The following HDAC9 variants were observed in gnomAD, a reference collection of about 807,000 sequenced individuals.
HDAC9 encodes histone deacetylase 9, also known as MEF-2 interacting transcription repressor (MITR) protein.
Under a neutral mutation model 139.4 loss-of-function variants are expected in HDAC9, and 41 were observed. That is an observed-to-expected ratio of 0.29 (90% CI 0.23 to 0.38). The LOEUF is 0.38. Among genes scored for constraint, HDAC9 ranks in the 10% least tolerant of loss-of-function variants. HDAC9 has a pLI of 1.00. For missense variants in HDAC9, 1,147 were observed against 1,297.0 expected (o/e 0.88, Z 1.78); for synonymous variants, 517 against 476.2 (o/e 1.09, Z -1.12).
chr7:18,637,895 A>T (rs1280438466), intron 8 of HDAC9, among the ~76,000 whole-genome samples: 2 of 152,028 alleles, frequency 1.3e-5, no homozygotes, highest in Non-Finnish European at 2.9e-5. Context: ...TTTAGCACTA[A>T]ATGTTTCCAC....
chr7:18,702,184 A>G (rs577023274), intron 12 of HDAC9, among the ~76,000 whole-genome samples: 19 of 152,170 alleles, frequency 1.2e-4, no homozygotes, highest in Admixed American at 3.3e-4. Flanking sequence ...CCATCTTTCT[A>G]TGGTTGTTTG....
chr7:18,676,215 A>G (rs1212561468), intron 12 of HDAC9, among the ~76,000 whole-genome samples: 7 of 151,846 alleles, frequency 4.6e-5, no homozygotes, highest in Non-Finnish European at 1.0e-4. Context: ...TCTTATTTTT[A>G]TTTTTATAGC....
intron 12 of HDAC9, chr7:18,668,653 A>C (rs1795448088): frequency 1.0e-6 from 1 of 983,378 alleles, no homozygotes; most frequent in Non-Finnish European, 1.2e-6. Flanking sequence ...ACCAGTGAAA[A>C]GGAAAGCTGG....
At chr7:18,690,013 A>C (rs1326866783) in intron 12 of HDAC9, among the ~76,000 whole-genome samples, 1 of 152,010 alleles carries the variant, frequency 6.6e-6, no homozygotes, top group African/African-American at 2.4e-5. Flanking sequence ...GTGGTGTTTC[A>C]TCAAATGGCC....
chr7:18,912,216 T>C (rs572236817), intron 22 of HDAC9, among the ~76,000 whole-genome samples: 5 of 152,194 alleles, frequency 3.3e-5, no homozygotes, highest in African/African-American at 9.6e-5. Flanking sequence ...ATTCATCTTA[T>C]TATCAATATG....
In HDAC9 at chr7:18,324,592, C is replaced by T. The variant is rs143313659; in HGVS notation, c.-42+34077C>T. The stretch of plus-strand genomic sequence containing the variant: ...TACCCTTGCTACTCACAATGTGGTC[C>T]TCACACCAGCACGGGCAGCAGTTGG... On this transcript the variant is annotated intron_variant, in intron 1 of 3. Coordinates refer to the HDAC9 transcript ENST00000413509. Among the ~76,000 whole-genome samples, 517 of 152,222 alleles carry T rather than the reference C, an allele frequency of 3.4e-3. 3 individuals are homozygous for T. Among genetic ancestry groups the T allele is most frequent in the African/African-American group, 0.012 (502 of 41,532 alleles).
At chr7:18,117,835 A>G (rs1784105506) in intron 1 of HDAC9, among the ~76,000 whole-genome samples, 2 of 152,226 alleles carry the variant, frequency 1.3e-5, no homozygotes, top group African/African-American at 4.8e-5. Context: ...AAAGGAATTC[A>G]GAAGTTGAGA....
chr7:18,549,270 A>G (rs1816280572), intron 2 of HDAC9, among the ~76,000 whole-genome samples: 1 of 152,174 alleles, frequency 6.6e-6, no homozygotes, highest in South Asian at 2.1e-4. Flanking sequence ...CAAATTTACC[A>G]TATAAGCCAG....
intron 2 of HDAC9, among the ~76,000 whole-genome samples, chr7:18,257,497 G>A (rs1262698634): frequency 6.6e-6 from 1 of 151,750 alleles, no homozygotes; most frequent in Non-Finnish European, 1.5e-5. Flanking sequence ...GAATCCAGGT[G>A]CTAAGGTACT....
chr7:18,505,830 G>A (rs1799617959), intron 2 of HDAC9: 1 of 152,148 alleles, frequency 6.6e-6, no homozygotes, highest in African/African-American at 2.4e-5. Flanking sequence ...CTTCCTAGGG[G>A]AAAGAAGCTT....
intron 1 of HDAC9, among the ~76,000 whole-genome samples, chr7:18,131,688 A>G (rs904687989): frequency 2.0e-5 from 3 of 152,126 alleles, no homozygotes; most frequent in East Asian, 1.9e-4. Context: ...TAAGCAAAGG[A>G]CAGAAACTCT....
intron 2 of HDAC9, among the ~76,000 whole-genome samples, chr7:18,241,707 T>C (rs1359927974): frequency 6.6e-6 from 1 of 152,202 alleles, no homozygotes; most frequent in Non-Finnish European, 1.5e-5. Flanking sequence ...CAAGTTTCAG[T>C]GTTTCCTGAC....
At chr7:18,995,762 C>T (rs1381676215) in intron 25 of HDAC9, among the ~76,000 whole-genome samples, 3 of 152,122 alleles carry the variant, frequency 2.0e-5, no homozygotes, top group Non-Finnish European at 4.4e-5. Context: ...CAAACATGTA[C>T]ATTTTGGAAT....
chr7:18,597,647 T>C (rs963562108), intron 6 of HDAC9, among the ~76,000 whole-genome samples: 1 of 152,144 alleles, frequency 6.6e-6, no homozygotes, highest in African/African-American at 2.4e-5. Context: ...TTCCAGTGAG[T>C]GTGTGCATAT....
intron 1 of HDAC9, among the ~76,000 whole-genome samples, chr7:18,453,522 G>C (rs768264927): frequency 6.6e-6 from 1 of 152,268 alleles, no homozygotes; most frequent in African/African-American, 2.4e-5. Flanking sequence ...AGGTTTGTCG[G>C]AAAAGAATTA....
intron 24 of HDAC9, among the ~76,000 whole-genome samples, chr7:18,962,814 AT>A (rs1783611855): frequency 1.3e-5 from 2 of 152,160 alleles, no homozygotes; most frequent in African/African-American, 4.8e-5. Context: ...TCCTCACATA[AT>A]TCTGCAATAC....
chr7:18,279,785 G>T (rs1319267165), intron 2 of HDAC9, among the ~76,000 whole-genome samples: 1 of 151,852 alleles, frequency 6.6e-6, no homozygotes, highest in East Asian at 1.9e-4. Context: ...ATTTAATAAG[G>T]ACAAATATTG....
At chr7:18,747,710 C>T (rs1562909340) in intron 13 of HDAC9, among the ~76,000 whole-genome samples, 3 of 151,990 alleles carry the variant, frequency 2.0e-5, no homozygotes, top group Non-Finnish European at 2.9e-5. Context: ...GAGTTTGAAG[C>T]CATTTGAGTC....
chr7:18,095,553 T>A (rs1214912562), intron 1 of HDAC9, among the ~76,000 whole-genome samples: 1 of 152,152 alleles, frequency 6.6e-6, no homozygotes, highest in African/African-American at 2.4e-5. Flanking sequence ...AGGTTTGGCT[T>A]CCTAATGGGT....
Sources: gnomAD v4.1 joint callset for allele counts (sites outside exome capture counted in the v4.1 genomes callset) on GRCh38, gnomAD v4.1.1 for gene constraint, MANE v1.5 for transcripts, NCBI Gene and HGNC (gene_info 2026-07-23, HGNC 2026-07-21) for gene names.